Variants in SEMA4F observed in about 807,000 individuals in gnomAD.
SEMA4F encodes ssemaphorin 4F.
SEMA4F carries 51 observed loss-of-function variants against 78.4 expected under a neutral mutation model. That is an observed-to-expected ratio of 0.65 (90% CI 0.52 to 0.82). The LOEUF (loss-of-function observed/expected upper bound fraction) is 0.82. SEMA4F is among the 40% of genes least tolerant of loss of function. The probability of loss-of-function intolerance (pLI) is 0.00; values close to 1 mark genes in which losing one functional copy is unlikely to be tolerated. For synonymous variants in SEMA4F, 418 were observed against 408.7 expected (o/e 1.02, Z -0.27); for missense variants, 938 against 1,014.4 (o/e 0.92, Z 1.02).
At chr2:74,678,579 A>G (rs1685413982) in intron 12 of SEMA4F, among the ~76,000 whole-genome samples, 1 of 152,170 alleles carries the variant, frequency 6.6e-6, no homozygotes, top group Non-Finnish European at 1.5e-5. Context: ...TGACAACCCT[A>G]GTGTAGGGGT....
At chr2:74,704,882 C>G in the SEMA4F span, among the ~76,000 whole-genome samples, 9 of 152,314 alleles carry the variant, frequency 5.9e-5, no homozygotes, top group South Asian at 1.9e-3. Context: ...TCTTCTTCAG[C>G]TCCTCCCAAC....
rs1685734750 is a variant in SEMA4F at position 74,683,642 on chromosome 2, T to C, written c.*3433T>C. ...GAGCTGCTCACCCTCTGTATGGGCT[T>C]GGATGAGGAGCTTCTCAGCGGCAGT... On this transcript the variant is annotated 3_prime_UTR_variant, in exon 14 of 14. Transcript: ENST00000357877. 6.6e-6 allele frequency: 1 copy of C among 152,104 alleles called. No homozygotes were observed. Among genetic ancestry groups the C allele is most frequent in the African/African-American group, 2.4e-5 (1 of 41,394 alleles). The allele number at this position is 152,104 out of a possible 1,614,324, so 9.4% of individuals were successfully genotyped here. A position where few individuals can be genotyped will look rare whatever the true frequency, so the allele number is the denominator to read the frequency against.
intron 12 of SEMA4F, among the ~76,000 whole-genome samples, chr2:74,676,754 C>A (rs1685309185): frequency 6.6e-6 from 1 of 152,138 alleles, no homozygotes; most frequent in Non-Finnish European, 1.5e-5. Flanking sequence ...CCTAATTGGT[C>A]TTTTTTTGAC....
chr2:74,691,890 A>G, the SEMA4F span, among the ~76,000 whole-genome samples: 1 of 152,198 alleles, frequency 6.6e-6, no homozygotes, highest in African/African-American at 2.4e-5. Context: ...ATCTCAGTCT[A>G]CTGAGTCATG....
intron 5 of SEMA4F, among the ~76,000 whole-genome samples, chr2:74,669,782 T>G (rs1461443896): frequency 6.6e-6 from 1 of 152,174 alleles, no homozygotes; most frequent in East Asian, 1.9e-4. Context: ...TTGGGCAAGT[T>G]GGGATCTATT....
the SEMA4F span, among the ~76,000 whole-genome samples, chr2:74,709,299 C>T: frequency 2.0e-5 from 3 of 152,064 alleles, no homozygotes; most frequent in Non-Finnish European, 4.4e-5. Flanking sequence ...ACTGTGGAGG[C>T]CAGAGGGAGG....
At chr2:74,661,768 A>C (rs1440636982) in intron 4 of SEMA4F, among the ~76,000 whole-genome samples, 1 of 152,160 alleles carries the variant, frequency 6.6e-6, no homozygotes, top group Non-Finnish European at 1.5e-5. Context: ...CCAGTAGTAC[A>C]CTTATTTTTC....
rs761079015 is a variant in SEMA4F at position 74,673,686 on chromosome 2, T to C, written c.680T>C (p.Phe227Ser). 1.8e-5 allele frequency: 29 copies of C among 1,613,762 alleles called. No homozygotes were observed. The highest frequency in any genetic ancestry group is 2.7e-5 in the African/African-American group (2 of 74,886). The change falls in exon 7 of 14, where the codon TTT (phenylalanine) becomes TCT (serine). Residue 227 changes from phenylalanine (F) to serine (S), a missense_variant. By Grantham distance (155) the Phe-to-Ser change is radical (BLOSUM62 -2). Transcript: ENST00000357877. ...CCACTGGTATTCCCAGCCCCAGCCTTTGTCGCAGCCGTGGCCTTGAGCCCA... is the reference window on the plus strand; with the variant it reads ...CCACTGGTATTCCCAGCCCCAGCCTCTGTCGCAGCCGTGGCCTTGAGCCCA... The part of the protein sequence containing the change: ...TLPSWLNAPA[F>S]VAAVALSPAE...
chr2:74,702,701 G>A, the SEMA4F span, among the ~76,000 whole-genome samples: 1 of 152,112 alleles, frequency 6.6e-6, no homozygotes, highest in South Asian at 2.1e-4. Flanking sequence ...CTTTCCAGAC[G>A]ATTCATAGAT....
intron 5 of SEMA4F, among the ~76,000 whole-genome samples, chr2:74,665,639 G>C (rs953005039): frequency 1.3e-5 from 2 of 152,124 alleles, no homozygotes; most frequent in East Asian, 3.8e-4. Flanking sequence ...AATATTTTGA[G>C]TTGTCATGAT....
Position 74,658,080 on chromosome 2 carries a change from G to A in SEMA4F, c.456+129G>A. 3 of 793,646 alleles carry A rather than the reference G, an allele frequency of 3.8e-6. No individual in the cohort carries two copies. In the South Asian group the frequency reaches 4.4e-5, roughly 12 times the overall value. The allele number at this position is 793,646 out of a possible 1,614,324, so 49.2% of individuals were successfully genotyped here. Reference sequence around the variant, plus strand: ...TGGGGGCATGGTCAAGGCAACCATTGTGCATGATAAGCATTGGGTGTAGGG... The same window carrying A: ...TGGGGGCATGGTCAAGGCAACCATTATGCATGATAAGCATTGGGTGTAGGG... On this transcript the variant is annotated intron_variant, in intron 4 of 13. Transcript: ENST00000357877. This position sits in a 1 kb window ranked among gnomAD's most constrained non-coding sequence, Gnocchi z 4.3.
At chr2:74,701,921 C>G in the SEMA4F span, among the ~76,000 whole-genome samples, 1 of 152,144 alleles carries the variant, frequency 6.6e-6, no homozygotes, top group East Asian at 1.9e-4. Flanking sequence ...TCAACCATTC[C>G]AGCCGTTGAG....
the SEMA4F span, among the ~76,000 whole-genome samples, chr2:74,703,614 G>A: frequency 0.28 from 43,039 of 151,890 alleles, 8,997 homozygotes; most frequent in East Asian, 0.82. Flanking sequence ...ATACCGTAAC[G>A]GGCATAGAAA....
chr2:74,666,981 A>G (rs1271666975), intron 5 of SEMA4F, among the ~76,000 whole-genome samples: 1 of 152,198 alleles, frequency 6.6e-6, no homozygotes, highest in Non-Finnish European at 1.5e-5. Flanking sequence ...AACCACTATT[A>G]TTATTTTGGA....
intron 5 of SEMA4F, among the ~76,000 whole-genome samples, chr2:74,665,874 C>G (rs374113101): frequency 6.7e-6 from 1 of 149,702 alleles, no homozygotes; most frequent in Non-Finnish European, 1.5e-5. Flanking sequence ...AATCATTTAT[C>G]GTACTTTTGT....
At chr2:74,662,117 C>T (rs1234646731) in intron 4 of SEMA4F, among the ~76,000 whole-genome samples, 1 of 152,194 alleles carries the variant, frequency 6.6e-6, no homozygotes, top group African/African-American at 2.4e-5. Context: ...CAAACTCTCA[C>T]ATTCTGACCT....
At chr2:74,709,351 C>T in the SEMA4F span, among the ~76,000 whole-genome samples, 14 of 152,128 alleles carry the variant, frequency 9.2e-5, no homozygotes, top group Non-Finnish European at 1.8e-4. Flanking sequence ...GAACTGTCAG[C>T]CCAGAATCCT....
chr2:74,657,834 A>G lies in SEMA4F; in HGVS notation c.358-19A>G. 6.2e-7 allele frequency: 1 copy of G among 1,608,390 alleles called. No individual in the cohort carries two copies. The highest frequency in any genetic ancestry group is 1.1e-5 in the South Asian group (1 of 90,970). Reference sequence around the variant, plus strand: ...GTACCTGCTGCTTCTGATTCTTTCTAACCGTCTCTGACCCCCAGGACGAAT... The same window carrying G: ...GTACCTGCTGCTTCTGATTCTTTCTGACCGTCTCTGACCCCCAGGACGAAT... On this transcript the variant is annotated intron_variant, in intron 3 of 13. Transcript: ENST00000357877.
chr2:74,662,087 G>A (rs1262080566), intron 4 of SEMA4F, among the ~76,000 whole-genome samples: 1 of 150,870 alleles, frequency 6.6e-6, no homozygotes, highest in Non-Finnish European at 1.5e-5. Flanking sequence ...GAGTCCCTGG[G>A]TGAGGAAGGT....
Sources: gnomAD v4.1 joint callset for allele counts (sites outside exome capture counted in the v4.1 genomes callset) on GRCh38, gnomAD v4.1.1 for gene constraint, Gnocchi (gnomAD v3.1) non-coding constraint, MANE v1.5 for transcripts, NCBI Gene and HGNC (gene_info 2026-07-23, HGNC 2026-07-21) for gene names.